SOS2: variants seen among roughly 807,000 people sequenced by gnomAD.
The protein encoded by SOS2 is SOS Ras/Rho guanine nucleotide exchange factor 2, also known as son of sevenless homolog 2.
A neutral mutation model predicts 148.2 loss-of-function variants in SOS2; 65 were observed. That is an observed-to-expected ratio of 0.44 (90% confidence interval 0.36 to 0.54). The LOEUF (loss-of-function observed/expected upper bound fraction) is 0.54, where lower values mean the gene tolerates loss of function less well. Ranked by LOEUF, SOS2 falls within the 20% of genes least tolerant of loss-of-function variation. SOS2 has a pLI of 0.00. For synonymous variants in SOS2, 539 were observed against 537.1 expected (o/e 1.00, Z -0.05); for missense variants, 1,341 against 1,590.2 (o/e 0.84, Z 2.67).
Position 50,138,643 on chromosome 14 carries a change from G to T in SOS2, c.2927C>A (p.Pro976His). 1 of 1,579,046 alleles carries T rather than the reference G, an allele frequency of 6.3e-7. No homozygotes were observed. The change falls in exon 18 of 23, where the codon CCT becomes CAT. Residue 976 changes from proline (P) to histidine (H), a missense_variant. Around this residue, in one of 4 missense-constraint regions of SOS2, gnomAD observed 408 missense variants for 506.6 expected, o/e 0.81. Coordinates refer to ENST00000216373, the MANE Select transcript of SOS2 (RefSeq NM_006939.4). The part of the protein sequence containing the change: ...TGEIQQYQNQ[P>H]YCLRIEPDMR... Reference sequence around the variant, plus strand: ...ATCTGGTTCTATCCGTAAACAGTAAGGCTGATTCTGATACTGCTGAATTTC... The same window carrying T: ...ATCTGGTTCTATCCGTAAACAGTAATGCTGATTCTGATACTGCTGAATTTC...
In SOS2 at chr14:50,168,267, G is replaced by A. The variant is rs188755521; in HGVS notation, c.1068+6187C>T. The stretch of plus-strand genomic sequence containing the variant: ...GATAAGGTCTTGCTCTCTTGCCCAG[G>A]CTGGAGTGCCGTGGTGTGATCTCAG... On this transcript the variant is annotated intron_variant, in intron 8 of 22. Coordinates refer to ENST00000216373, the MANE Select transcript of SOS2 (RefSeq NM_006939.4). Among the ~76,000 whole-genome samples the A allele has an allele frequency of 2.1e-4, 32 of 152,284 alleles. No individual in the cohort carries two copies. The East Asian group carries it at 5.0e-3, about 24-fold the overall frequency.
At chr14:50,183,987 A>C (rs1255218994) in intron 5 of SOS2, among the ~76,000 whole-genome samples, 8 of 152,232 alleles carry the variant, frequency 5.3e-5, no homozygotes, top group African/African-American at 1.7e-4. Context: ...CCTGGGCTAC[A>C]AACCTGTACA....
chr14:50,154,125 A>G (rs1309950309), intron 12 of SOS2, among the ~76,000 whole-genome samples: 2 of 152,166 alleles, frequency 1.3e-5, no homozygotes, highest in African/African-American at 2.4e-5. Context: ...AGGGAAAAGG[A>G]AAGGGAAGGA....
intron 1 of SOS2, among the ~76,000 whole-genome samples, chr14:50,214,838 C>CTTTT (rs565287023): frequency 7.3e-6 from 1 of 136,568 alleles, no homozygotes. Context: ...TTCTTTCTTT[C>CTTTT]TTTTTTTTTT....
Position 50,145,263 on chromosome 14 carries a change from T to C in SOS2, c.2574A>G (p.Gln858=), listed in dbSNP as rs200391002. The change falls in exon 16 of 23, where the codon CAA becomes CAG. Residue 858 remains glutamine, a synonymous_variant. Transcript: ENST00000216373. ...AVLSRIIEIL[Q]VFQDLNNFNG... ...TGAAATTATTCAAATCTTGAAAAAC[T>C]TGCAGAATTTCTATAATTCTACTTA... The C allele has an allele frequency of 1.2e-6, 2 of 1,612,596 alleles. No individual in the cohort carries two copies. Among genetic ancestry groups the C allele is most frequent in the Admixed American group, 1.7e-5 (1 of 59,826 alleles).
In SOS2 at chr14:50,159,344, T is replaced by TC. The variant is rs1017954791; in HGVS notation, c.1852+86dup. On this transcript the variant is annotated intron_variant, in intron 10 of 22. Coordinates refer to ENST00000216373, the MANE Select transcript of SOS2 (RefSeq NM_006939.4). ...TATATTTTGGAGGCAATCCATTTTT[T>TC]CCCCAAGCCTCAAATATTTTTGAGC... is the stretch of plus-strand genomic sequence containing the variant. 84 of 793,824 alleles carry TC rather than the reference T, an allele frequency of 1.1e-4. No individual in the cohort carries two copies. In the African/African-American group the frequency reaches 1.3e-3, roughly 13 times the overall value. The allele number at this position is 793,824 out of a possible 1,614,324, so 49.2% of individuals were successfully genotyped here.
intron 14 of SOS2, among the ~76,000 whole-genome samples, chr14:50,147,960 TTTC>T (rs1454895347): frequency 1.3e-5 from 2 of 152,160 alleles, no homozygotes; most frequent in African/African-American, 4.8e-5. Context: ...ATCTCTTTTT[TTTC>T]TTTTTAATTG....
At chr14:50,141,525 G>A (rs1252366741) in intron 16 of SOS2, among the ~76,000 whole-genome samples, 1 of 151,648 alleles carries the variant, frequency 6.6e-6, no homozygotes, top group East Asian at 1.9e-4. Flanking sequence ...TGTCTCTAAG[G>A]GTCACTGAAA....
At chr14:50,143,432 A>G (rs994434854) in intron 16 of SOS2, among the ~76,000 whole-genome samples, 1 of 151,984 alleles carries the variant, frequency 6.6e-6, no homozygotes, top group Admixed American at 6.6e-5. Flanking sequence ...TACATATTCA[A>G]CCTCACTAGT....
At chr14:50,160,201 C>T (rs1011265110) in intron 9 of SOS2, 115 bp from the exon 10 acceptor site, 11 of 767,478 alleles carry the variant, frequency 1.4e-5, no homozygotes, top group African/African-American at 7.7e-5. Flanking sequence ...GTAGCTTTTA[C>T]GCACAGCATT....
chr14:50,166,067 A>C (rs1413442111), intron 8 of SOS2, among the ~76,000 whole-genome samples: 1 of 152,244 alleles, frequency 6.6e-6, no homozygotes, highest in Non-Finnish European at 1.5e-5. Context: ...CTGAGTTGAA[A>C]GGGATTCTTT....
chr14:50,229,483 T>C (rs962623848), intron 1 of SOS2, among the ~76,000 whole-genome samples: 1 of 149,068 alleles, frequency 6.7e-6, no homozygotes, highest in Non-Finnish European at 1.5e-5. Flanking sequence ...ATGCTAATCT[T>C]GGCTTCTCCA....
intron 1 of SOS2, among the ~76,000 whole-genome samples, chr14:50,210,069 C>CT (rs1297192645): frequency 6.6e-6 from 1 of 152,056 alleles, no homozygotes; most frequent in Non-Finnish European, 1.5e-5. Context: ...GTCATATATT[C>CT]TTTTTTTAAA....
intron 16 of SOS2, among the ~76,000 whole-genome samples, chr14:50,142,620 C>A (rs1226230165): frequency 1.3e-5 from 2 of 152,176 alleles, no homozygotes; most frequent in Non-Finnish European, 2.9e-5. Flanking sequence ...AAATGTTCTT[C>A]CACAACAATA....
chr14:50,218,984 G>A (rs1457152363), intron 1 of SOS2, among the ~76,000 whole-genome samples: 3 of 151,896 alleles, frequency 2.0e-5, no homozygotes, highest in South Asian at 2.1e-4. Context: ...GTGGTGGGGC[G>A]TGCCTGTAAT....
At chr14:50,141,835 G>A (rs1215268648) in intron 16 of SOS2, among the ~76,000 whole-genome samples, 1 of 152,018 alleles carries the variant, frequency 6.6e-6, no homozygotes, top group East Asian at 1.9e-4. Flanking sequence ...AGATTGGCGA[G>A]GATTTGCCCT....
At chr14:50,120,993 C>T (rs759435379) in intron 21 of SOS2, among the ~76,000 whole-genome samples, 2 of 152,142 alleles carry the variant, frequency 1.3e-5, no homozygotes, top group Admixed American at 6.5e-5. Flanking sequence ...CCACCTCGGC[C>T]TCCCAAAGTG....
At chr14:50,140,086 A>C (rs781444493) in intron 16 of SOS2, 27 bp from the exon 17 acceptor site, 9 of 1,037,068 alleles carry the variant, frequency 8.7e-6, no homozygotes, top group Non-Finnish European at 1.3e-5. Flanking sequence ...ATTGAGTATA[A>C]ATTTTTTACA....
At chr14:50,203,045 G>C (rs1199793968) in intron 2 of SOS2, among the ~76,000 whole-genome samples, 2 of 151,988 alleles carry the variant, frequency 1.3e-5, no homozygotes, top group Non-Finnish European at 1.5e-5. Flanking sequence ...TGTAGTCCCA[G>C]CTACTCGGGA....
Sources: gnomAD v4.1 joint callset for allele counts (sites outside exome capture counted in the v4.1 genomes callset) on GRCh38, gnomAD v4.1.1 for gene constraint, gnomAD v4.1.1 regional missense constraint, MANE v1.5 for transcripts, NCBI Gene and HGNC (gene_info 2026-07-23, HGNC 2026-07-21) for gene names.